INTS4: variants seen among roughly 807,000 people sequenced by gnomAD.
INTS4 encodes the protein integrator complex subunit 4.
Under a neutral mutation model 119.5 loss-of-function variants are expected in INTS4, and 70 were observed. The ratio of observed to expected loss-of-function variants is 0.59; its 90% CI spans 0.48 to 0.71. The LOEUF (loss-of-function observed/expected upper bound fraction) is 0.71, where lower values mean the gene tolerates loss of function less well. INTS4 is among the 30% of genes least tolerant of loss of function. The pLI is 0.00. For synonymous variants in INTS4, 316 were observed against 419.6 expected (o/e 0.75, Z 3.02); for missense variants, 867 against 1,173.2 (o/e 0.74, Z 3.81).
chr11:77,991,450 G>T (rs1447638546), intron 1 of INTS4, 151 bp from the exon 2 acceptor site: 7 of 651,872 alleles, frequency 1.1e-5, no homozygotes, highest in Non-Finnish European at 1.8e-5. Flanking sequence ...GTACCGGGTT[G>T]GTGACAAGGC....
At chr11:77,907,921 T>C in intron 15 of INTS4, 111 bp from the exon 16 acceptor site, 1 of 667,820 alleles carries the variant, frequency 1.5e-6, no homozygotes, top group East Asian at 2.8e-5. Flanking sequence ...AGTCATACAT[T>C]TTTAAATGAC....
At chr11:77,984,621 G>T (rs1856381302) in intron 2 of INTS4, among the ~76,000 whole-genome samples, 2 of 152,050 alleles carry the variant, frequency 1.3e-5, no homozygotes, top group South Asian at 4.1e-4. Context: ...GGAGATGGAT[G>T]GTGGTGATGG....
chr11:77,981,010 T>C (rs1485012584), intron 3 of INTS4, among the ~76,000 whole-genome samples: 5 of 151,698 alleles, frequency 3.3e-5, no homozygotes, highest in Non-Finnish European at 5.9e-5. Context: ...AAAAGTTTCT[T>C]GATGGAACGA....
chr11:77,895,072 T>A (rs1335373648), intron 18 of INTS4, among the ~76,000 whole-genome samples: 1 of 152,196 alleles, frequency 6.6e-6, no homozygotes, highest in Non-Finnish European at 1.5e-5. Flanking sequence ...TGTTCCTTCC[T>A]CTCTATCTTG....
At chr11:77,981,284 T>C (rs1856207636) in intron 3 of INTS4, among the ~76,000 whole-genome samples, 175 bp downstream of exon 3, 1 of 152,076 alleles carries the variant, frequency 6.6e-6, no homozygotes. Flanking sequence ...ATGACAGCTA[T>C]TAAGAGATAA....
At position 77,928,503 on chromosome 11, in the gene INTS4, A is replaced by G; in HGVS notation, c.1210T>C (p.Ser404Pro). ...AVEALCMLAQ[S>P]SPSFAEKCLD... The stretch of plus-strand genomic sequence containing the variant: ...CACTTCTCAGCAAAAGAGGGTGAAG[A>G]CTGGGCCAACATGCAGAGGGCCTCC... Residue 404 changes from serine to proline, a missense_variant, in exon 11 of 23, where the codon TCT becomes CCT. This residue lies in a region of INTS4 where 208 missense variants were observed against 306.6 expected (regional missense o/e 0.68). Transcript: ENST00000534064. 6.2e-7 allele frequency: 1 copy of G among 1,601,414 alleles called. No homozygotes were observed. Among genetic ancestry groups the G allele is most frequent in the East Asian group, 2.2e-5 (1 of 44,510 alleles).
chr11:77,929,167 T>C (rs1402589907), intron 10 of INTS4, among the ~76,000 whole-genome samples: 1 of 152,136 alleles, frequency 6.6e-6, no homozygotes, highest in Non-Finnish European at 1.5e-5. Flanking sequence ...AGCAACACAC[T>C]GAAGCCCCAT....
At chr11:77,903,674 A>G in intron 16 of INTS4, 54 bp from the exon 17 acceptor site, 1 of 1,358,214 alleles carries the variant, frequency 7.4e-7, no homozygotes. Flanking sequence ...AGACTGGCCT[A>G]TCATTTGGGA....
chr11:77,902,528 A>T (rs1265476982), intron 17 of INTS4, among the ~76,000 whole-genome samples: 1 of 152,178 alleles, frequency 6.6e-6, no homozygotes, highest in Non-Finnish European at 1.5e-5. Flanking sequence ...TCAAGTCCTG[A>T]CTGTATTACC....
At chr11:77,961,330 A>G (rs768352697) in intron 4 of INTS4, among the ~76,000 whole-genome samples, 192 bp from the exon 5 acceptor site, 111 of 152,126 alleles carry the variant, frequency 7.3e-4, no homozygotes, top group Non-Finnish European at 1.3e-3. Context: ...AAAAAAAATG[A>G]GTCCTTAGAA....
At chr11:77,992,038 G>C (rs1301069074) in intron 1 of INTS4, among the ~76,000 whole-genome samples, 1 of 151,960 alleles carries the variant, frequency 6.6e-6, no homozygotes, top group African/African-American at 2.4e-5. Context: ...TACCCAGGCT[G>C]GTTTCGAACT....
chr11:77,943,919 C>T (rs1186799500), intron 8 of INTS4, among the ~76,000 whole-genome samples: 1 of 152,174 alleles, frequency 6.6e-6, no homozygotes, highest in Admixed American at 6.5e-5. Flanking sequence ...TCTGCATTTA[C>T]CCTGGGAAAG....
At chr11:77,911,025 A>G (rs1233316226) in intron 15 of INTS4, 1 of 1,289,112 alleles carries the variant, frequency 7.8e-7, no homozygotes, top group African/African-American at 1.5e-5. Flanking sequence ...ATAACACATC[A>G]GGTTTCACAG....
chr11:77,899,614 G>A (rs1952689426), intron 18 of INTS4, among the ~76,000 whole-genome samples: 2 of 151,880 alleles, frequency 1.3e-5, no homozygotes, highest in South Asian at 4.2e-4. Flanking sequence ...AGGTTGCAGT[G>A]AGCTGAGATC....
At chr11:77,890,852 G>A (rs941670782) in intron 21 of INTS4, among the ~76,000 whole-genome samples, 1 of 152,162 alleles carries the variant, frequency 6.6e-6, no homozygotes, top group African/African-American at 2.4e-5. Flanking sequence ...TTTCTCATGT[G>A]TCTCTATTAC....
chr11:77,965,661 C>A (rs1855472158), intron 4 of INTS4, among the ~76,000 whole-genome samples: 1 of 152,320 alleles, frequency 6.6e-6, no homozygotes, highest in East Asian at 1.9e-4. Flanking sequence ...ACAGGATCTC[C>A]TTCATTTACA....
intron 4 of INTS4, among the ~76,000 whole-genome samples, chr11:77,968,289 T>G (rs1855577565): frequency 6.6e-6 from 1 of 152,220 alleles, no homozygotes; most frequent in Non-Finnish European, 1.5e-5. Context: ...TCCAATTTAC[T>G]TAAATGGTAC....
At chr11:77,949,128 TAAAA>T (rs1954123973) in intron 8 of INTS4, among the ~76,000 whole-genome samples, 1 of 151,302 alleles carries the variant, frequency 6.6e-6, no homozygotes, top group African/African-American at 2.4e-5. Flanking sequence ...AAGAAGAAAA[TAAAA>T]AAAGAATAAA....
At chr11:77,883,263 C>T (rs1951863651) in intron 22 of INTS4, among the ~76,000 whole-genome samples, 1 of 152,066 alleles carries the variant, frequency 6.6e-6, no homozygotes, top group South Asian at 2.1e-4. Flanking sequence ...CAATTCTGCC[C>T]CCTATTCTAG....
Sources: allele counts gnomAD v4.1 joint callset (sites outside exome capture counted in the v4.1 genomes callset), GRCh38; gene constraint gnomAD v4.1.1; regional missense constraint gnomAD v4.1.1; transcripts MANE v1.5; gene names NCBI Gene and HGNC (gene_info 2026-07-23, HGNC 2026-07-21).